NKD2: variants seen among roughly 807,000 people sequenced by gnomAD.
NKD2 encodes the protein protein naked cuticle homolog 2.
NKD2 carries 43 observed loss-of-function variants against 34.8 expected under a neutral mutation model. The observed-to-expected ratio is 1.24, with a 90% CI of 0.97 to 1.60. The LOEUF (loss-of-function observed/expected upper bound fraction) is 1.60. NKD2 is among the 40% of genes most tolerant of loss of function. NKD2 has a pLI of 0.00. For missense variants in NKD2, 675 were observed against 627.1 expected, an observed-to-expected ratio of 1.08 and a Z score of -0.82; for synonymous variants, 278 against 265.1, an observed-to-expected ratio of 1.05 and a Z score of -0.47.
chr5:1,031,245 C>T (rs753449557), intron 3 of NKD2, among the ~76,000 whole-genome samples: 9 of 152,112 alleles, frequency 5.9e-5, no homozygotes, highest in Admixed American at 2.6e-4. Context: ...AGGATGAAGC[C>T]GTGGGGACTG....
chr5:1,034,617 C>G, intron 6 of NKD2, 139 bp from the exon 7 acceptor site: 3 of 947,616 alleles, frequency 3.2e-6, no homozygotes, highest in Non-Finnish European at 4.8e-6. Flanking sequence ...GAGAAGATGC[C>G]TGTGTTGGTT....
At position 1,038,192 on chromosome 5, in the gene NKD2, G is replaced by T. The variant is rs1405902092; in HGVS notation, c.1175G>T (p.Gly392Val). The T allele has an allele frequency of 6.9e-6, 11 of 1,588,038 alleles. No homozygotes were observed. The highest frequency in any genetic ancestry group is 9.4e-6 in the Non-Finnish European group (11 of 1,169,392). The change falls in exon 10 of 10, where the codon GGC becomes GTC. Residue 392 changes from glycine to valine, a missense_variant. By Grantham distance (109) the Gly-to-Val change is moderately radical. Coordinates refer to ENST00000296849, the MANE Select transcript of NKD2 (RefSeq NM_033120.4). This position sits in a 1 kb window ranked among gnomAD's most constrained non-coding sequence, Gnocchi z 4.5. ...HKRYRQKGREGHSPLKAPHAQ... is the reference protein window; with the variant it reads ...HKRYRQKGREVHSPLKAPHAQ... ...CGGTACCGCCAAAAGGGCAGGGAGG[G>T]CCACTCGCCACTCAAGGCCCCACAC...
intron 3 of NKD2, among the ~76,000 whole-genome samples, chr5:1,027,184 G>C (rs184790095): frequency 1.3e-5 from 2 of 152,336 alleles, no homozygotes; most frequent in East Asian, 1.9e-4. Flanking sequence ...CAGAAACTTC[G>C]AGCCAGGGGC....
At chr5:1,028,142 G>A (rs1484392372) in intron 3 of NKD2, among the ~76,000 whole-genome samples, 3 of 141,018 alleles carry the variant, frequency 2.1e-5, no homozygotes, top group Non-Finnish European at 3.2e-5. Context: ...CCAGGACGGG[G>A]GCTGGGTGCT....
intron 9 of NKD2, chr5:1,037,516 G>A: frequency 6.5e-7 from 1 of 1,534,194 alleles, no homozygotes. Context: ...GGCGCCCCAA[G>A]CAGGGTCTCA....
At position 1,034,216 on chromosome 5, in the gene NKD2, C is replaced by T. The variant is rs373362522; in HGVS notation, c.331-19C>T. On this transcript the variant is annotated intron_variant, in intron 5 of 9. Coordinates refer to ENST00000296849, the MANE Select transcript of NKD2 (RefSeq NM_033120.4). ...GCGTGGGTAGGAGGCGAGGTCCCGG[C>T]CCCCACGTCCCCCCACAGGCACTCC... is the stretch of plus-strand genomic sequence containing the variant. The T allele has an allele frequency of 1.1e-5, 17 of 1,595,348 alleles. No individual in the cohort carries two copies. The East Asian group carries it at 2.9e-4, about 27-fold the overall frequency.
At chr5:1,036,750 G>C (rs1027579368) in intron 9 of NKD2, 14 of 480,840 alleles carry the variant, frequency 2.9e-5, no homozygotes, top group African/African-American at 2.5e-4. Flanking sequence ...CACCGGCTCA[G>C]TCAGCAGAGG....
At position 1,036,386 on chromosome 5, in the gene NKD2, T is replaced by G. The variant is rs773668052; in HGVS notation, c.787+2T>G. On this transcript the variant is annotated splice_donor_variant, in intron 9 of 9. Transcript: ENST00000296849. LOFTEE classifies it high-confidence loss of function. ...ACTACACGTCCAGATTCGGCCCTGG[T>G]AGGTCCTGGAGGCCACCCTGGGCGT... The G allele has an allele frequency of 2.3e-5, 37 of 1,611,228 alleles. No homozygotes were observed. Among genetic ancestry groups the G allele is most frequent in the Non-Finnish European group, 2.0e-5 (24 of 1,178,994 alleles).
At position 1,034,798 on chromosome 5, in the gene NKD2, G is replaced by T; in HGVS notation, c.469G>T (p.Ala157Ser). The T allele has an allele frequency of 6.2e-7, 1 of 1,612,844 alleles. No homozygotes were observed. Among genetic ancestry groups the T allele is most frequent in the African/African-American group, 1.3e-5 (1 of 75,050 alleles). The change falls in exon 7 of 10, where the codon GCC becomes TCC. Residue 157 changes from alanine (A) to serine (S), a missense_variant. Physicochemically the swap from Ala to Ser is moderately conservative, Grantham distance 99. Coordinates refer to ENST00000296849, the MANE Select transcript of NKD2 (RefSeq NM_033120.4). Reference sequence around the variant, plus strand: ...GCACACCATCTATGAGGTCGTGGATGCCTCGGTCAACCACTCCTCGGGCAG... The same window carrying T: ...GCACACCATCTATGAGGTCGTGGATTCCTCGGTCAACCACTCCTCGGGCAG... ...LMHTIYEVVD[A>S]SVNHSSGSSK...
intron 3 of NKD2, among the ~76,000 whole-genome samples, chr5:1,029,232 G>T (rs906955087): frequency 6.6e-6 from 1 of 152,176 alleles, no homozygotes; most frequent in Non-Finnish European, 1.5e-5. Context: ...CTGTGCGTTC[G>T]AGCGCTGAGA....
At chr5:1,025,179 T>C (rs372977958) in intron 3 of NKD2, among the ~76,000 whole-genome samples, 1 of 8,490 alleles carries the variant, frequency 1.2e-4, no homozygotes, top group African/African-American at 1.2e-4. Context: ...TGTGGGCGTC[T>C]CAGCCCGTTG....
Position 1,009,108 on chromosome 5 carries a change from A to AGGGC in NKD2, c.25+40_25+43dup, listed in dbSNP as rs577163729. The AGGGC allele has an allele frequency of 0.011, 1,465 of 130,930 alleles. 16 individuals are homozygous for AGGGC. The African/African-American group carries it at 0.18, about 16-fold the overall frequency. The allele number at this position is 130,930 out of a possible 1,614,324, so 8.1% of individuals were successfully genotyped here. The stretch of plus-strand genomic sequence containing the variant: ...GTGAGCCGCGGGCCGGTAGGGCGGG[A>AGGGC]GGGCGGGCGGGCGGGCGTGGGGCCG... On this transcript the variant is annotated intron_variant, in intron 1 of 9. Transcript: ENST00000296849. This position sits in a 1 kb window ranked among gnomAD's most constrained non-coding sequence, Gnocchi z 6.9.
intron 9 of NKD2, among the ~76,000 whole-genome samples, chr5:1,037,353 C>T (rs950536633): frequency 4.6e-5 from 7 of 152,292 alleles, no homozygotes; most frequent in East Asian, 1.9e-4. Flanking sequence ...CCTCCTTGGC[C>T]GCGCTCTGCA....
At chr5:1,013,235 G>A (rs1387253058) in intron 3 of NKD2, among the ~76,000 whole-genome samples, 1 of 152,218 alleles carries the variant, frequency 6.6e-6, no homozygotes, top group African/African-American at 2.4e-5. Context: ...TGTCTTCTGT[G>A]ACTCATGTTC....
At chr5:1,012,718 G>C (rs1009092553) in intron 3 of NKD2, among the ~76,000 whole-genome samples, 1 of 152,250 alleles carries the variant, frequency 6.6e-6, no homozygotes, top group African/African-American at 2.4e-5. Flanking sequence ...CAGTGCCCCA[G>C]AGGCTCATAT....
intron 8 of NKD2, chr5:1,035,818 A>C: frequency 4.1e-6 from 1 of 245,684 alleles, no homozygotes; most frequent in Non-Finnish European, 7.1e-6. Flanking sequence ...GCAGTGGCTG[A>C]GGGTGGCTGG....
intron 4 of NKD2, 85 bp downstream of exon 4, chr5:1,032,297 C>A: frequency 1.9e-6 from 2 of 1,075,086 alleles, no homozygotes; most frequent in Non-Finnish European, 2.8e-6. Context: ...ACCCTTAAAA[C>A]AACCCCGTGT....
At chr5:1,024,027 C>T (rs375507293) in intron 3 of NKD2, among the ~76,000 whole-genome samples, 3 of 7,246 alleles carry the variant, frequency 4.1e-4, no homozygotes, top group African/African-American at 4.5e-4. Flanking sequence ...CCGCTGTGGG[C>T]GTCCCAGCCC....
At chr5:1,037,365 A>G (rs551908747) in intron 9 of NKD2, among the ~76,000 whole-genome samples, 7 of 152,296 alleles carry the variant, frequency 4.6e-5, no homozygotes, top group South Asian at 2.1e-4. Context: ...CGCTCTGCAC[A>G]GGAGCTGCAC....
Sources: gnomAD v4.1 joint callset for allele counts (sites outside exome capture counted in the v4.1 genomes callset) on GRCh38, gnomAD v4.1.1 for gene constraint, Gnocchi (gnomAD v3.1) non-coding constraint, MANE v1.5 for transcripts, NCBI Gene and HGNC (gene_info 2026-07-23, HGNC 2026-07-21) for gene names.